The following EIF4EBP1 variants were observed in gnomAD, a reference collection of about 807,000 sequenced individuals.
EIF4EBP1 encodes the protein eukaryotic translation initiation factor 4E binding protein 1.
Under a neutral mutation model 9.2 loss-of-function variants are expected in EIF4EBP1, and 5 were observed. The observed-to-expected ratio is 0.54, with a 90% CI of 0.28 to 1.14. The LOEUF is 1.14. Ranked by LOEUF, EIF4EBP1 falls within the 50% of genes most tolerant of loss-of-function variation. The pLI, the probability that EIF4EBP1 is intolerant of heterozygous loss-of-function variation, is 0.09. For synonymous variants in EIF4EBP1, 62 were observed against 67.0 expected (o/e 0.93, Z 0.36); for missense variants, 139 against 169.6 (o/e 0.82, Z 1.00).
chr8:38,038,439 CAG>C (rs1361832728), intron 1 of EIF4EBP1, among the ~76,000 whole-genome samples: 2 of 143,468 alleles, frequency 1.4e-5, no homozygotes, highest in East Asian at 2.1e-4. Context: ...ACCCGGGAGA[CAG>C]AGGTTGCAGT....
intron 2 of EIF4EBP1, among the ~76,000 whole-genome samples, chr8:38,058,566 T>G (rs1190290465): frequency 6.6e-6 from 1 of 152,134 alleles, no homozygotes; most frequent in African/African-American, 2.4e-5. Flanking sequence ...CCCCCCAAAC[T>G]CATGTCCTTC....
intron 1 of EIF4EBP1, among the ~76,000 whole-genome samples, chr8:38,037,450 G>A (rs1809319737): frequency 6.6e-6 from 1 of 152,014 alleles, no homozygotes; most frequent in South Asian, 2.1e-4. Flanking sequence ...TGAGTAGCTG[G>A]GATTACAGGC....
intron 1 of EIF4EBP1, among the ~76,000 whole-genome samples, chr8:38,047,719 A>G (rs1369557802): frequency 2.0e-5 from 3 of 152,194 alleles, no homozygotes; most frequent in African/African-American, 7.2e-5. Flanking sequence ...TCCTGACCTC[A>G]GGTGATCCAC....
intron 1 of EIF4EBP1, among the ~76,000 whole-genome samples, chr8:38,054,831 G>A (rs1409348701): frequency 6.6e-6 from 1 of 152,206 alleles, no homozygotes; most frequent in Admixed American, 6.5e-5. Flanking sequence ...TGGGCTCATA[G>A]GCACTCAGAC....
At chr8:38,032,941 G>A (rs368378992) in intron 1 of EIF4EBP1, among the ~76,000 whole-genome samples, 5 of 151,234 alleles carry the variant, frequency 3.3e-5, no homozygotes, top group African/African-American at 1.2e-4. Context: ...CTCCAGAGCA[G>A]AATACTGCCT....
intron 1 of EIF4EBP1, among the ~76,000 whole-genome samples, chr8:38,056,388 T>G (rs573761193): frequency 3.2e-4 from 48 of 152,338 alleles, no homozygotes; most frequent in African/African-American, 1.2e-3. Context: ...AGGAGTGCTG[T>G]AAGGACAGGA....
intron 1 of EIF4EBP1, among the ~76,000 whole-genome samples, chr8:38,054,216 G>A (rs145700133): frequency 8.5e-5 from 13 of 152,316 alleles, no homozygotes; most frequent in Middle Eastern, 3.4e-3. Flanking sequence ...TCGGGAGGCT[G>A]AGGCCAGTGG....
intron 1 of EIF4EBP1, among the ~76,000 whole-genome samples, chr8:38,042,932 G>A: frequency 6.6e-6 from 1 of 152,132 alleles, no homozygotes; most frequent in East Asian, 1.9e-4. Flanking sequence ...AGGCGTGGTG[G>A]CAGGTGCCTA....
rs1809653289 is a variant in EIF4EBP1 at position 38,060,073 on chromosome 8, C to G, written c.*138C>G. On this transcript the variant is annotated 3_prime_UTR_variant, in exon 3 of 3. Coordinates refer to ENST00000338825, the MANE Select transcript of EIF4EBP1 (RefSeq NM_004095.4). ...GGTCGGACACCCCAGCCCTTTCTCC[C>G]TCACTCAGGGCACCTGCCCCCTCCT... 5 of 828,520 alleles carry G rather than the reference C, an allele frequency of 6.0e-6. No homozygotes were observed. In the African/African-American group the frequency reaches 8.4e-5, roughly 14 times the overall value. The allele number at this position is 828,520 out of a possible 1,614,324, so 51.3% of individuals were successfully genotyped here. A position where few individuals can be genotyped will look rare whatever the true frequency, so the allele number is the denominator to read the frequency against.
At chr8:38,047,220 G>T (rs192919247) in intron 1 of EIF4EBP1, 1 of 152,078 alleles carries the variant, frequency 6.6e-6, no homozygotes, top group Non-Finnish European at 1.5e-5. Context: ...GGTCTTTCTC[G>T]ACTAAATTAC....
Position 38,030,696 on chromosome 8 carries a change from G to A in EIF4EBP1, c.123G>A (p.Thr41=). 1 of 1,472,952 alleles carries A rather than the reference G, an allele frequency of 6.8e-7. No homozygotes were observed. The highest frequency in any genetic ancestry group is 1.3e-5 in the South Asian group (1 of 75,738). The allele number at this position is 1,472,952 out of a possible 1,614,324, so 91.2% of individuals were successfully genotyped here. The part of the protein sequence containing the change: ...PGDYSTTPGG[T]LFSTTPGGTR... ...ACTACAGCACGACCCCCGGCGGCAC[G>A]CTCTTCAGCACCACCCCGGGAGGTA... The change falls in exon 1 of 3, where the codon ACG becomes ACA. Residue 41 remains threonine (T), a synonymous_variant. Coordinates refer to ENST00000338825, the MANE Select transcript of EIF4EBP1 (RefSeq NM_004095.4).
chr8:38,051,860 G>A (rs1335303055), intron 1 of EIF4EBP1, among the ~76,000 whole-genome samples: 2 of 152,126 alleles, frequency 1.3e-5, no homozygotes, highest in African/African-American at 4.8e-5. Context: ...GCCTCCCAAA[G>A]TGCTGGGATT....
intron 1 of EIF4EBP1, among the ~76,000 whole-genome samples, chr8:38,042,053 T>C (rs1173641710): frequency 1.3e-5 from 2 of 151,872 alleles, no homozygotes; most frequent in Non-Finnish European, 2.9e-5. Context: ...AAGCAATCTA[T>C]TCCTCTTTGT....
chr8:38,052,217 C>A (rs541859963), intron 1 of EIF4EBP1, among the ~76,000 whole-genome samples: 1 of 152,116 alleles, frequency 6.6e-6, no homozygotes, highest in African/African-American at 2.4e-5. Context: ...GTGTCCCCAG[C>A]ACCAAGTAGC....
intron 2 of EIF4EBP1, 133 bp from the exon 3 acceptor site, chr8:38,059,771 A>G (rs1809646138): frequency 3.1e-6 from 3 of 958,984 alleles, no homozygotes; most frequent in Non-Finnish European, 3.1e-6. Flanking sequence ...AAAAAAACAA[A>G]AAAACAAAAA....
intron 1 of EIF4EBP1, among the ~76,000 whole-genome samples, chr8:38,044,761 G>A (rs914021659): frequency 6.6e-6 from 1 of 152,194 alleles, no homozygotes; most frequent in Non-Finnish European, 1.5e-5. Context: ...GAGGCATTTA[G>A]GATTGGAGTC....
chr8:38,059,937 G>A lies in EIF4EBP1; in HGVS notation c.*2G>A. The A allele has an allele frequency of 6.2e-7, 1 of 1,614,190 alleles. No individual in the cohort carries two copies. The highest frequency in any genetic ancestry group is 1.3e-5 in the African/African-American group (1 of 75,068). ...TCACAGTTTGAGATGGACATTTAAA[G>A]CACCAGCCATCGTGTGGAGCACTAC... On this transcript the variant is annotated 3_prime_UTR_variant, in exon 3 of 3. Coordinates refer to ENST00000338825, the MANE Select transcript of EIF4EBP1 (RefSeq NM_004095.4).
intron 1 of EIF4EBP1, among the ~76,000 whole-genome samples, chr8:38,056,852 G>A (rs545279998): frequency 3.6e-4 from 54 of 151,924 alleles, no homozygotes; most frequent in African/African-American, 1.2e-3. Flanking sequence ...TAGTAGAGAC[G>A]GGGTTTCACC....
intron 1 of EIF4EBP1, among the ~76,000 whole-genome samples, chr8:38,037,358 C>T (rs572307737): frequency 1.3e-5 from 2 of 151,994 alleles, no homozygotes; most frequent in African/African-American, 4.8e-5. Context: ...GCTCTGTCGC[C>T]CAGGCTGGAG....
Sources: allele counts gnomAD v4.1 joint callset (sites outside exome capture counted in the v4.1 genomes callset), GRCh38; gene constraint gnomAD v4.1.1; transcripts MANE v1.5; gene names NCBI Gene and HGNC (gene_info 2026-07-23, HGNC 2026-07-21).